The following STK24 variants were observed in gnomAD, a reference collection of about 807,000 sequenced individuals.
STK24 encodes serine/threonine kinase 24.
A neutral mutation model predicts 55.6 loss-of-function variants in STK24; 21 were observed. That is an observed-to-expected ratio of 0.38 (90% confidence interval 0.27 to 0.54). The LOEUF is 0.54. Among genes scored for constraint, STK24 ranks in the 20% least tolerant of loss-of-function variants. The pLI, the probability that STK24 is intolerant of heterozygous loss-of-function variation, is 0.79. For missense variants in STK24, 383 were observed against 538.4 expected (o/e 0.71, Z 2.86); for synonymous variants, 200 against 215.2 (o/e 0.93, Z 0.62).
intron 1 of STK24, among the ~76,000 whole-genome samples, chr13:98,562,481 T>C (rs535258096): frequency 1.3e-5 from 2 of 152,336 alleles, no homozygotes; most frequent in East Asian, 3.9e-4. Flanking sequence ...GAATTACTAC[T>C]ACTCTGACAT....
intron 2 of STK24, among the ~76,000 whole-genome samples, chr13:98,493,212 T>C (rs1895107871): frequency 6.6e-6 from 1 of 152,200 alleles, no homozygotes; most frequent in Non-Finnish European, 1.5e-5. Context: ...ACCATCTCTT[T>C]TGGAAAGGGT....
chr13:98,540,470 TG>T (rs1292759108), intron 1 of STK24, among the ~76,000 whole-genome samples: 1 of 152,186 alleles, frequency 6.6e-6, no homozygotes, highest in Non-Finnish European at 1.5e-5. Context: ...CAGTTCATCT[TG>T]CCCCAGCATC....
rs115774202 is a variant in STK24, at chr13:98,525,626, A to T, written c.43-6153T>A. Among the ~76,000 whole-genome samples, 1,010 of 152,278 alleles carry T rather than the reference A, an allele frequency of 6.6e-3. 8 individuals carry two copies. The highest frequency in any genetic ancestry group is 0.022 in the African/African-American group (909 of 41,562). On this transcript the variant is annotated intron_variant, in intron 1 of 10. Coordinates refer to ENST00000539966, the MANE Select transcript of STK24 (RefSeq NM_001032296.4). ...GGCTCGCCACCCCGGTATAGGCAGGAGGATCGGCTTCTCTATGACCAAGGG... is the reference window on the plus strand; with the variant it reads ...GGCTCGCCACCCCGGTATAGGCAGGTGGATCGGCTTCTCTATGACCAAGGG...
intron 2 of STK24, among the ~76,000 whole-genome samples, chr13:98,482,545 C>G (rs764980794): frequency 6.6e-6 from 1 of 152,178 alleles, no homozygotes; most frequent in African/African-American, 2.4e-5. Context: ...CTCGGGGGCC[C>G]GCACCTGACT....
chr13:98,499,015 A>C (rs1895347747), intron 2 of STK24, among the ~76,000 whole-genome samples: 1 of 152,148 alleles, frequency 6.6e-6, no homozygotes, highest in Admixed American at 6.5e-5. Context: ...GGGAGGCTGA[A>C]GCGGGTGGAT....
intron 5 of STK24, among the ~76,000 whole-genome samples, chr13:98,469,672 T>A (rs916069214): frequency 6.6e-6 from 1 of 151,974 alleles, no homozygotes; most frequent in African/African-American, 2.4e-5. Context: ...GGGTGTATGG[T>A]TCCTGGGCTC....
At chr13:98,503,588 G>A (rs370893238) in intron 2 of STK24, among the ~76,000 whole-genome samples, 24 of 152,322 alleles carry the variant, frequency 1.6e-4, no homozygotes, top group East Asian at 5.8e-4. Context: ...AAGTCAGCAC[G>A]CCAGTGGGAG....
chr13:98,493,736 G>C (rs1220476418), intron 2 of STK24, among the ~76,000 whole-genome samples: 1 of 151,862 alleles, frequency 6.6e-6, no homozygotes, highest in African/African-American at 2.4e-5. Context: ...TTATGACTTA[G>C]CATTAATTCT....
chr13:98,515,591 G>A (rs1555307849), intron 2 of STK24, among the ~76,000 whole-genome samples: 1 of 151,492 alleles, frequency 6.6e-6, no homozygotes, highest in Non-Finnish European at 1.5e-5. Flanking sequence ...ATCTTTAGGG[G>A]AAAAAAAATG....
In STK24 at chr13:98,494,073, A is replaced by G. The variant is rs557877916; in HGVS notation, c.274-11752T>C. Among the ~76,000 whole-genome samples the G allele has an allele frequency of 3.0e-4, 43 of 143,646 alleles. No individual in the cohort carries two copies. The East Asian group carries it at 9.0e-3, about 30-fold the overall frequency. 94.2% of individuals were successfully genotyped at this position (143,646 alleles called of 152,430 possible). On this transcript the variant is annotated intron_variant, in intron 2 of 10. Transcript: ENST00000539966. ...TAGCCAGGATGGTCTCGATCTCCTG[A>G]CCTCGTGATCCGCCCGCCTCGGCCT...
At chr13:98,474,496 C>T (rs1460692955) in intron 5 of STK24, among the ~76,000 whole-genome samples, 5 of 152,170 alleles carry the variant, frequency 3.3e-5, no homozygotes, top group East Asian at 1.9e-4. Context: ...CAACCGCACA[C>T]GCCTCCACCC....
At chr13:98,529,972 A>C (rs764212361) in intron 1 of STK24, among the ~76,000 whole-genome samples, 8 of 152,188 alleles carry the variant, frequency 5.3e-5, no homozygotes, top group Non-Finnish European at 1.2e-4. Flanking sequence ...CCAGGAAAGA[A>C]GGCTCTACTC....
At chr13:98,569,792 G>A (rs1248533759) in intron 1 of STK24, among the ~76,000 whole-genome samples, 5 of 151,186 alleles carry the variant, frequency 3.3e-5, no homozygotes, top group African/African-American at 1.2e-4. Flanking sequence ...AGAGGCAAGC[G>A]GAAGAGAAGT....
intron 2 of STK24, among the ~76,000 whole-genome samples, chr13:98,498,185 G>T (rs1443312443): frequency 6.6e-6 from 1 of 152,202 alleles, no homozygotes; most frequent in African/African-American, 2.4e-5. Flanking sequence ...CTGGATACTC[G>T]AAAGACTTAC....
chr13:98,539,398 G>GA (rs1257806157), intron 1 of STK24, among the ~76,000 whole-genome samples: 2 of 151,916 alleles, frequency 1.3e-5, no homozygotes, highest in South Asian at 4.2e-4. Context: ...TTGGATGCCT[G>GA]AAAAAAAGAA....
intron 2 of STK24, among the ~76,000 whole-genome samples, chr13:98,496,124 G>A (rs544296203): frequency 6.6e-6 from 1 of 152,348 alleles, no homozygotes; most frequent in African/African-American, 2.4e-5. Context: ...CAGCTTCCCT[G>A]TGGGGAGCCA....
chr13:98,575,567 G>T (rs1032202839), intron 1 of STK24, among the ~76,000 whole-genome samples: 4 of 152,124 alleles, frequency 2.6e-5, no homozygotes, highest in Non-Finnish European at 5.9e-5. Flanking sequence ...AAGGGAGAGG[G>T]ATGATCTCAC....
At chr13:98,569,146 C>T (rs1249690053) in intron 1 of STK24, among the ~76,000 whole-genome samples, 2 of 152,136 alleles carry the variant, frequency 1.3e-5, no homozygotes, top group Non-Finnish European at 2.9e-5. Flanking sequence ...AACAGCACAG[C>T]CTGCACACAC....
At chr13:98,475,384 G>C in intron 3 of STK24, 26 bp from the exon 4 acceptor site, 1 of 1,497,162 alleles carries the variant, frequency 6.7e-7, no homozygotes, top group Non-Finnish European at 9.2e-7. Context: ...AATTCTTAAA[G>C]TTACTTAAAT....
Sources: allele counts gnomAD v4.1 joint callset (sites outside exome capture counted in the v4.1 genomes callset), GRCh38; gene constraint gnomAD v4.1.1; transcripts MANE v1.5; gene names NCBI Gene and HGNC (gene_info 2026-07-23, HGNC 2026-07-21).